The following GGNBP2 variants were observed in gnomAD, a reference collection of about 807,000 sequenced individuals.
GGNBP2 encodes gametogenetin-binding protein 2.
In GGNBP2, 10 loss-of-function variants were observed where a neutral mutation model predicts 85.9. The observed-to-expected ratio is 0.12, with a 90% CI of 0.07 to 0.20. GGNBP2 has a LOEUF of 0.20. GGNBP2 is among the 10% of genes least tolerant of loss of function. The pLI is 1.00. For missense variants in GGNBP2, 595 were observed against 857.8 expected, an observed-to-expected ratio of 0.69 and a Z score of 3.83; for synonymous variants, 287 against 285.7, an observed-to-expected ratio of 1.00 and a Z score of -0.05.
Position 36,545,718 on chromosome 17 carries a change from G to C in GGNBP2, c.-7G>C, listed in dbSNP as rs1007946289. On this transcript the variant is annotated 5_prime_UTR_variant, in exon 2 of 14. Transcript: ENST00000613102. ...TGGTGACGGTGGCAACGGCAGCGTC[G>C]GGGACGATGGCGCGACTCGTGGCAG... is the stretch of plus-strand genomic sequence containing the variant. 1 of 1,564,344 alleles carries C rather than the reference G, an allele frequency of 6.4e-7. No homozygotes were observed. Among genetic ancestry groups the C allele is most frequent in the East Asian group, 2.4e-5 (1 of 41,536 alleles).
chr17:36,569,466 A>G (rs1555606418), intron 6 of GGNBP2, among the ~76,000 whole-genome samples: 1 of 152,284 alleles, frequency 6.6e-6, no homozygotes, highest in African/African-American at 2.4e-5. Context: ...GGGCAGTTCT[A>G]CTGTTTAAAT....
At chr17:36,546,602 C>G (rs1208788475) in intron 2 of GGNBP2, 1 of 152,234 alleles carries the variant, frequency 6.6e-6, no homozygotes, top group Admixed American at 6.5e-5. Flanking sequence ...TGTACTGTTT[C>G]CTTTAAAAGG....
At chr17:36,561,389 T>TG (rs1199784106) in intron 5 of GGNBP2, among the ~76,000 whole-genome samples, 25 of 152,292 alleles carry the variant, frequency 1.6e-4, no homozygotes, top group Admixed American at 4.6e-4. Context: ...TCCAAAGTGC[T>TG]GGGATTACAG....
chr17:36,546,401 T>G (rs997803942), intron 2 of GGNBP2: 3 of 155,072 alleles, frequency 1.9e-5, no homozygotes, highest in Admixed American at 6.5e-5. Flanking sequence ...GGCCCTTTCT[T>G]CAAAACGGGC....
At chr17:36,569,524 G>A (rs527301557) in intron 6 of GGNBP2, among the ~76,000 whole-genome samples, 8 of 152,222 alleles carry the variant, frequency 5.3e-5, no homozygotes, top group Non-Finnish European at 1.2e-4. Context: ...CTTTGAGGCA[G>A]ATATACACAA....
chr17:36,581,600 C>T (rs2074650830), intron 9 of GGNBP2, 62 bp downstream of exon 9: 8 of 1,301,590 alleles, frequency 6.1e-6, no homozygotes, highest in Non-Finnish European at 1.1e-6. Flanking sequence ...GAAGTACAGG[C>T]CAGGTGTGGT....
chr17:36,565,494 T>TG (rs1282808764), intron 5 of GGNBP2, among the ~76,000 whole-genome samples: 1 of 152,190 alleles, frequency 6.6e-6, no homozygotes, highest in Non-Finnish European at 1.5e-5. Context: ...AATGATATAA[T>TG]AATCATTCTT....
At chr17:36,571,127 A>T (rs1008430312) in intron 6 of GGNBP2, among the ~76,000 whole-genome samples, 1 of 152,016 alleles carries the variant, frequency 6.6e-6, no homozygotes, top group Non-Finnish European at 1.5e-5. Flanking sequence ...ATAAACTGAA[A>T]CCTCTGCCTT....
intron 6 of GGNBP2, among the ~76,000 whole-genome samples, chr17:36,568,921 A>G (rs775654625): frequency 2.0e-5 from 3 of 151,912 alleles, no homozygotes; most frequent in African/African-American, 4.8e-5. Flanking sequence ...GTGCCCAGCT[A>G]ATTTTTGTAT....
chr17:36,578,262 AC>A, intron 7 of GGNBP2, 76 bp downstream of exon 7: 6 of 1,101,596 alleles, frequency 5.4e-6, no homozygotes, highest in Non-Finnish European at 7.9e-6. Context: ...TATTTTCATC[AC>A]CTTCTGCCTC....
intron 6 of GGNBP2, among the ~76,000 whole-genome samples, chr17:36,575,918 A>C (rs1375404711): frequency 6.6e-6 from 1 of 150,500 alleles, no homozygotes; most frequent in Non-Finnish European, 1.5e-5. Flanking sequence ...AAGGGCTGGG[A>C]TTACAGACGT....
intron 2 of GGNBP2, among the ~76,000 whole-genome samples, chr17:36,551,571 C>T (rs913126166): frequency 1.3e-5 from 2 of 151,482 alleles, no homozygotes; most frequent in East Asian, 2.0e-4. Flanking sequence ...AGGCTGGGCG[C>T]GGTGGCTCAT....
chr17:36,571,826 G>C (rs1555606867), intron 6 of GGNBP2, among the ~76,000 whole-genome samples: 23 of 152,070 alleles, frequency 1.5e-4, no homozygotes, highest in Non-Finnish European at 1.5e-5. Flanking sequence ...CTGGGCGACA[G>C]AGCGAGACTC....
chr17:36,574,851 G>C, intron 6 of GGNBP2: 1 of 703,004 alleles, frequency 1.4e-6, no homozygotes, highest in African/African-American at 1.7e-5. Context: ...CTGTGCACAG[G>C]GACAATAGAG....
chr17:36,557,301 T>A lies in GGNBP2; in HGVS notation c.393T>A (p.Asp131Glu). Residue 131 changes from aspartate (D) to glutamate (E), a missense_variant, in exon 4 of 14, where the codon GAT (aspartate) becomes GAA (glutamate). Coordinates refer to ENST00000613102, the MANE Select transcript of GGNBP2 (RefSeq NM_024835.5). Reference protein sequence around the residue: ...VLSVTRSCMTDAKKLYTLFYV... With the variant: ...VLSVTRSCMTEAKKLYTLFYV... ...CTGTAACTAGAAGCTGCATGACTGATGCAAAGAAGCTTTATACATTATTTT... is the reference window on the plus strand; with the variant it reads ...CTGTAACTAGAAGCTGCATGACTGAAGCAAAGAAGCTTTATACATTATTTT... The A allele has an allele frequency of 6.2e-7, 1 of 1,613,858 alleles. No individual in the cohort carries two copies. Among genetic ancestry groups the A allele is most frequent in the Non-Finnish European group, 8.5e-7 (1 of 1,179,766 alleles).
chr17:36,548,808 G>A (rs533679305), intron 2 of GGNBP2, among the ~76,000 whole-genome samples: 2 of 151,670 alleles, frequency 1.3e-5, no homozygotes, highest in African/African-American at 4.8e-5. Flanking sequence ...AGTGGGTGTG[G>A]TAGAGTGTGC....
rs760866809 is a variant in GGNBP2 at position 36,578,003 on chromosome 17, A to C, written c.662A>C (p.Asn221Thr). ...RKHRFCTDCK[N>T]KVLRAYNILI... is the part of the protein sequence containing the mutation. Reference sequence around the variant, plus strand: ...AACAGGTTTTGCACTGATTGCAAAAATAAAGTCCTCCGAGCATACAATATC... The same window carrying C: ...AACAGGTTTTGCACTGATTGCAAAACTAAAGTCCTCCGAGCATACAATATC... Residue 221 changes from asparagine (N) to threonine (T), a missense_variant, in exon 7 of 14, where the codon AAT becomes ACT. Asn to Thr is a moderately conservative substitution (Grantham distance 65). This residue lies in a region of GGNBP2 where 216 missense variants were observed against 293.4 expected (regional missense o/e 0.74). Coordinates refer to ENST00000613102, the MANE Select transcript of GGNBP2 (RefSeq NM_024835.5). The C allele has an allele frequency of 6.2e-7, 1 of 1,614,132 alleles. No individual in the cohort carries two copies. Among genetic ancestry groups the C allele is most frequent in the Non-Finnish European group, 8.5e-7 (1 of 1,179,982 alleles).
intron 12 of GGNBP2, chr17:36,586,755 A>C: frequency 2.5e-6 from 1 of 405,424 alleles, no homozygotes; most frequent in Non-Finnish European, 4.5e-6. Flanking sequence ...AGTAGCTGGG[A>C]TTACAGGCGC....
chr17:36,568,683 T>C (rs1251975816), intron 6 of GGNBP2, among the ~76,000 whole-genome samples: 1 of 152,182 alleles, frequency 6.6e-6, no homozygotes, highest in African/African-American at 2.4e-5. Context: ...AAAAGAGAGT[T>C]GATATTCATG....
Sources: gnomAD v4.1 joint callset for allele counts (sites outside exome capture counted in the v4.1 genomes callset) on GRCh38, gnomAD v4.1.1 for gene constraint, gnomAD v4.1.1 regional missense constraint, MANE v1.5 for transcripts, NCBI Gene and HGNC (gene_info 2026-07-23, HGNC 2026-07-21) for gene names.